Variants in INPP5D observed in about 807,000 individuals in gnomAD.
INPP5D encodes phosphatidylinositol 3,4,5-trisphosphate 5-phosphatase 1.
A neutral mutation model predicts 122.9 loss-of-function variants in INPP5D; 33 were observed. The observed-to-expected ratio is 0.27, with a 90% CI of 0.20 to 0.36. The LOEUF is 0.36. Ranked by LOEUF, INPP5D falls within the 10% of genes least tolerant of loss-of-function variation. The probability of loss-of-function intolerance (pLI) is 1.00; values close to 1 mark genes in which losing one functional copy is unlikely to be tolerated. For synonymous variants in INPP5D, 584 were observed against 576.2 expected, an observed-to-expected ratio of 1.01 and a Z score of -0.19; for missense variants, 1,053 against 1,412.7, an observed-to-expected ratio of 0.75 and a Z score of 4.08.
chr2:233,086,826 A>G (rs898600228), intron 2 of INPP5D, among the ~76,000 whole-genome samples: 3 of 152,196 alleles, frequency 2.0e-5, no homozygotes, highest in Non-Finnish European at 4.4e-5. Context: ...TTGAATATCG[A>G]GTTTCACTGC....
intron 5 of INPP5D, among the ~76,000 whole-genome samples, chr2:233,133,570 A>G (rs1693389592): frequency 6.6e-6 from 1 of 152,222 alleles, no homozygotes; most frequent in South Asian, 2.1e-4. Flanking sequence ...CAACTTCTTT[A>G]GTATAAGTAT....
chr2:233,106,011 G>C (rs1692459381), intron 2 of INPP5D, among the ~76,000 whole-genome samples: 1 of 152,214 alleles, frequency 6.6e-6, no homozygotes, highest in Non-Finnish European at 1.5e-5. Flanking sequence ...CAAGTTGTGT[G>C]ACATTGGACA....
intron 2 of INPP5D, among the ~76,000 whole-genome samples, chr2:233,116,225 G>GTAGATAGATAGATAGATAGATAGATAGA (rs1553575234): frequency 9.0e-5 from 12 of 133,832 alleles, no homozygotes; most frequent in African/African-American, 1.6e-4. Context: ...AGATATATAT[G>GTAGATAGATAGATAGATAGATAGATAGA]TAGATAGATA....
At chr2:233,147,626 C>T (rs193042001) in intron 9 of INPP5D, 32 bp downstream of exon 9, 3 of 699,780 alleles carry the variant, frequency 4.3e-6, no homozygotes, top group African/African-American at 1.7e-5. Flanking sequence ...AACCACTGCC[C>T]CTCACCTGCC....
At chr2:233,179,568 G>T (rs528403006) in intron 18 of INPP5D, among the ~76,000 whole-genome samples, 5 of 152,234 alleles carry the variant, frequency 3.3e-5, no homozygotes, top group Non-Finnish European at 7.3e-5. Flanking sequence ...CCACCTCCGG[G>T]CCCGGAATAT....
At chr2:233,073,959 G>A (rs1367723349) in intron 1 of INPP5D, among the ~76,000 whole-genome samples, 1 of 152,082 alleles carries the variant, frequency 6.6e-6, no homozygotes, top group African/African-American at 2.4e-5. Context: ...GTGGTCTCTC[G>A]AATCTTCCTG....
intron 1 of INPP5D, among the ~76,000 whole-genome samples, chr2:233,064,990 T>A (rs1271440626): frequency 1.3e-5 from 2 of 152,242 alleles, no homozygotes; most frequent in Admixed American, 6.5e-5. Flanking sequence ...GCTACTGACA[T>A]CTGGCTCACA....
chr2:233,176,638 AGTCGGTGGGTGG>A (rs1694646723), intron 17 of INPP5D, among the ~76,000 whole-genome samples: 5 of 2,992 alleles, frequency 1.7e-3, no homozygotes, highest in African/African-American at 4.8e-3. Context: ...ATGGATGGCT[AGTCGGTGGGTGG>A]ATGGATGGGT....
intron 2 of INPP5D, among the ~76,000 whole-genome samples, chr2:233,079,618 G>T (rs1250382213): frequency 6.6e-6 from 1 of 152,172 alleles, no homozygotes; most frequent in African/African-American, 2.4e-5. Context: ...CATGCCACAG[G>T]CTATTTGTGG....
intron 2 of INPP5D, among the ~76,000 whole-genome samples, chr2:233,120,388 G>A (rs1330277209): frequency 6.6e-6 from 1 of 152,186 alleles, no homozygotes; most frequent in Non-Finnish European, 1.5e-5. Flanking sequence ...GGAGGCTGAG[G>A]CCAGAAAATT....
At chr2:233,080,444 T>C (rs1691649344) in intron 2 of INPP5D, among the ~76,000 whole-genome samples, 1 of 151,202 alleles carries the variant, frequency 6.6e-6, no homozygotes, top group Non-Finnish European at 1.5e-5. Context: ...TGTGTGTGTG[T>C]GTGTGTGTGT....
intron 2 of INPP5D, among the ~76,000 whole-genome samples, chr2:233,112,863 G>A (rs573439828): frequency 6.6e-6 from 1 of 152,000 alleles, no homozygotes; most frequent in African/African-American, 2.4e-5. Context: ...TCACCATGTT[G>A]GCCAGGCTGG....
chr2:233,099,912 G>A (rs149166498), intron 2 of INPP5D, among the ~76,000 whole-genome samples: 9 of 152,280 alleles, frequency 5.9e-5, no homozygotes, highest in East Asian at 3.9e-4. Context: ...CAATCATGGC[G>A]GAAGGTGAAG....
intron 2 of INPP5D, among the ~76,000 whole-genome samples, chr2:233,117,552 G>A (rs781160536): frequency 2.0e-4 from 31 of 152,102 alleles, no homozygotes; most frequent in Non-Finnish European, 4.1e-4. Context: ...CCTGCTGGGC[G>A]GCCCCCTCTG....
intron 22 of INPP5D, among the ~76,000 whole-genome samples, chr2:233,193,492 C>T (rs754817591): frequency 1.4e-4 from 22 of 152,222 alleles, no homozygotes; most frequent in Non-Finnish European, 2.2e-4. Context: ...TCCTCTTGCC[C>T]GCCAATTTTG....
In INPP5D at chr2:233,128,114, C is replaced by T. The variant is rs1450811262; in HGVS notation, c.524+2195C>T. ...TGAGCTCTGCCTCCTGTCAGATCAG[C>T]GGTGGCATTAGATTCTCATGAGTGT... On this transcript the variant is annotated intron_variant, in intron 4 of 26. Coordinates refer to ENST00000445964, the MANE Select transcript of INPP5D (RefSeq NM_001017915.3). The surrounding 1 kb of genome is among the most constrained non-coding windows in gnomAD (Gnocchi z 4.5). 2.6e-5 allele frequency among the ~76,000 whole-genome samples: 4 copies of T among 152,128 alleles called. No individual in the cohort carries two copies. Among genetic ancestry groups the T allele is most frequent in the Non-Finnish European group, 5.9e-5 (4 of 68,004 alleles).
chr2:233,093,945 C>T (rs143618689), intron 2 of INPP5D, among the ~76,000 whole-genome samples: 9 of 152,198 alleles, frequency 5.9e-5, no homozygotes, highest in East Asian at 5.8e-4. Context: ...CCTCCTGGCC[C>T]GTTTTCCCTG....
intron 2 of INPP5D, among the ~76,000 whole-genome samples, chr2:233,097,914 T>A (rs1692192214): frequency 1.3e-5 from 2 of 150,342 alleles, no homozygotes; most frequent in South Asian, 2.1e-4. Context: ...TGAGACAGAG[T>A]CTCACTCTGT....
At chr2:233,126,689 G>A (rs1693171383) in intron 4 of INPP5D, among the ~76,000 whole-genome samples, 1 of 152,142 alleles carries the variant, frequency 6.6e-6, no homozygotes, top group Non-Finnish European at 1.5e-5. Flanking sequence ...GGAGGCCCAG[G>A]CGGGCAGATC....
Sources: allele counts gnomAD v4.1 joint callset (sites outside exome capture counted in the v4.1 genomes callset), GRCh38; gene constraint gnomAD v4.1.1; non-coding constraint Gnocchi (gnomAD v3.1); transcripts MANE v1.5; gene names NCBI Gene and HGNC (gene_info 2026-07-23, HGNC 2026-07-21).